Variants in BCL2 observed in about 807,000 individuals in gnomAD.
BCL2 encodes the protein BCL2 apoptosis regulator, also known as apoptosis regulator Bcl-2.
BCL2 carries 1 observed loss-of-function variant against 14.2 expected under a neutral mutation model. The observed-to-expected ratio is 0.07, with a 90% CI of 0.02 to 0.33. The LOEUF is 0.33. Ranked by LOEUF, BCL2 falls within the 10% of genes least tolerant of loss-of-function variation. The pLI, the probability that BCL2 is intolerant of heterozygous loss-of-function variation, is 0.99. For synonymous variants in BCL2, 151 were observed against 137.2 expected (o/e 1.10, Z -0.70); for missense variants, 247 against 305.9 (o/e 0.81, Z 1.44).
intron 2 of BCL2, among the ~76,000 whole-genome samples, chr18:63,216,614 A>G (rs963774701): frequency 2.6e-5 from 4 of 152,212 alleles, no homozygotes; most frequent in African/African-American, 9.7e-5. Context: ...TACATCTTGG[A>G]ACCCATATCA....
At chr18:63,290,961 C>T (rs1412961296) in intron 2 of BCL2, among the ~76,000 whole-genome samples, 3 of 152,106 alleles carry the variant, frequency 2.0e-5, no homozygotes, top group Non-Finnish European at 2.9e-5. Context: ...TAAAGCGGCT[C>T]ACCATCTGTG....
intron 2 of BCL2, among the ~76,000 whole-genome samples, chr18:63,191,196 A>C (rs1245516728): frequency 6.6e-6 from 1 of 152,232 alleles, no homozygotes; most frequent in Non-Finnish European, 1.5e-5. Flanking sequence ...AGAATGATTT[A>C]TATTCCTTTG....
chr18:63,141,149 A>G (rs898891568), intron 2 of BCL2, among the ~76,000 whole-genome samples: 1 of 152,222 alleles, frequency 6.6e-6, no homozygotes, highest in East Asian at 1.9e-4. Context: ...ACTCCGCCGT[A>G]GCGAACCTCT....
rs146657868 is a variant in BCL2 at position 63,213,289 on chromosome 18, G to T, written c.586-84530C>A. Reference sequence around the variant, plus strand: ...TATTCAAATGTCACCAGCATCACGTGCTTAATATTATTTTAGTCAATATGA... The same window carrying T: ...TATTCAAATGTCACCAGCATCACGTTCTTAATATTATTTTAGTCAATATGA... On this transcript the variant is annotated intron_variant, in intron 2 of 2. Transcript: ENST00000333681. Among the ~76,000 whole-genome samples, 257 of 152,234 alleles carry T rather than the reference G, an allele frequency of 1.7e-3. 1 individual carries two copies. The highest frequency in any genetic ancestry group is 5.6e-3 in the African/African-American group (233 of 41,522).
At chr18:63,183,651 G>A (rs769678300) in intron 2 of BCL2, among the ~76,000 whole-genome samples, 8 of 152,196 alleles carry the variant, frequency 5.3e-5, no homozygotes, top group Non-Finnish European at 1.2e-4. Context: ...GCTGGCAATG[G>A]CATCATTCCA....
chr18:63,194,423 C>T (rs1909384825), intron 2 of BCL2, among the ~76,000 whole-genome samples: 2 of 151,680 alleles, frequency 1.3e-5, no homozygotes, highest in Admixed American at 6.6e-5. Flanking sequence ...AACCTCTGCC[C>T]CACAGGATTC....
chr18:63,277,630 A>G (rs1314411059), intron 2 of BCL2, among the ~76,000 whole-genome samples: 2 of 150,674 alleles, frequency 1.3e-5, no homozygotes, highest in African/African-American at 4.9e-5. Context: ...CTAAAGGAAG[A>G]AACACACATA....
At chr18:63,268,415 G>T (rs1911901387) in intron 2 of BCL2, among the ~76,000 whole-genome samples, 1 of 152,184 alleles carries the variant, frequency 6.6e-6, no homozygotes, top group Admixed American at 6.5e-5. Context: ...GAACAATTTA[G>T]CCAGGTGAGG....
intron 2 of BCL2, chr18:63,302,206 G>A (rs541462180): frequency 8.3e-6 from 3 of 359,606 alleles, no homozygotes; most frequent in African/African-American, 4.4e-5. Flanking sequence ...GCTGGCAGGC[G>A]CCTGTAATCC....
chr18:63,220,450 T>C (rs923057039), intron 2 of BCL2, among the ~76,000 whole-genome samples: 2 of 152,200 alleles, frequency 1.3e-5, no homozygotes, highest in African/African-American at 4.8e-5. Flanking sequence ...GTGGTTTGCA[T>C]AGGTCTACCA....
At position 63,149,798 on chromosome 18, in the gene BCL2, G is replaced by A. The variant is rs1228963216; in HGVS notation, c.586-21039C>T. On this transcript the variant is annotated intron_variant, in intron 2 of 2. Transcript: ENST00000333681. This position sits in a 1 kb window ranked among gnomAD's most constrained non-coding sequence, Gnocchi z 4.2. ...AGTTTTTGTTTGGAACAAACACAGTGCTTAATTATATGGCTCTCTACAGAA... is the reference window on the plus strand; with the variant it reads ...AGTTTTTGTTTGGAACAAACACAGTACTTAATTATATGGCTCTCTACAGAA... Among the ~76,000 whole-genome samples the A allele has an allele frequency of 6.6e-6, 1 of 152,110 alleles. No individual in the cohort carries two copies. The highest frequency in any genetic ancestry group is 1.9e-4 in the East Asian group (1 of 5,198).
intron 2 of BCL2, among the ~76,000 whole-genome samples, chr18:63,275,918 T>G (rs752506695): frequency 7.2e-5 from 11 of 152,366 alleles, no homozygotes; most frequent in Admixed American, 2.0e-4. Context: ...TGTTATTTAT[T>G]GCAGGAAAAG....
At chr18:63,257,958 T>A (rs1013013825) in intron 2 of BCL2, among the ~76,000 whole-genome samples, 1 of 152,160 alleles carries the variant, frequency 6.6e-6, no homozygotes, top group Non-Finnish European at 1.5e-5. Context: ...TCAAAAGATA[T>A]GTTCAAGTCC....
intron 2 of BCL2, chr18:63,302,918 T>A: frequency 4.1e-6 from 4 of 975,692 alleles, no homozygotes; most frequent in Non-Finnish European, 4.9e-6. Flanking sequence ...CTGAGGGGGA[T>A]GGAAATAACT....
intron 2 of BCL2, among the ~76,000 whole-genome samples, chr18:63,183,003 C>G (rs1915512661): frequency 6.6e-6 from 1 of 152,204 alleles, no homozygotes; most frequent in Non-Finnish European, 1.5e-5. Flanking sequence ...GCACTCAGCA[C>G]CGAGCTGGGC....
chr18:63,296,596 G>A (rs1274790748), intron 2 of BCL2, among the ~76,000 whole-genome samples: 3 of 152,100 alleles, frequency 2.0e-5, no homozygotes, highest in East Asian at 1.9e-4. Context: ...GAGCCACCAC[G>A]TCCACCCAGA....
intron 2 of BCL2, among the ~76,000 whole-genome samples, chr18:63,172,614 T>A (rs1915249530): frequency 6.6e-6 from 1 of 152,102 alleles, no homozygotes; most frequent in South Asian, 2.1e-4. Context: ...ACCCTGTCTC[T>A]ACTAAAAATA....
chr18:63,148,677 T>C (rs1450161429), intron 2 of BCL2, among the ~76,000 whole-genome samples: 1 of 151,294 alleles, frequency 6.6e-6, no homozygotes, highest in Non-Finnish European at 1.5e-5. Flanking sequence ...AAAAAAAAGT[T>C]GTTAAATAAA....
intron 2 of BCL2, among the ~76,000 whole-genome samples, chr18:63,299,535 G>T (rs1912895686): frequency 6.6e-6 from 1 of 152,176 alleles, no homozygotes; most frequent in Admixed American, 6.5e-5. Flanking sequence ...ATCCAGCCAT[G>T]TCACTTAGTA....
Sources: allele counts gnomAD v4.1 joint callset (sites outside exome capture counted in the v4.1 genomes callset), GRCh38; gene constraint gnomAD v4.1.1; non-coding constraint Gnocchi (gnomAD v3.1); transcripts MANE v1.5; gene names NCBI Gene and HGNC (gene_info 2026-07-23, HGNC 2026-07-21).